Variants in GPC3 observed in about 807,000 individuals in gnomAD.
GPC3 encodes glypican-3.
Under a neutral mutation model 34.4 loss-of-function variants are expected in GPC3, and 3 were observed. That is an observed-to-expected ratio of 0.09 (90% confidence interval 0.04 to 0.23). The LOEUF (loss-of-function observed/expected upper bound fraction) is 0.23. Among genes scored for constraint, GPC3 ranks in the 10% least tolerant of loss-of-function variants. GPC3 has a pLI of 1.00. For synonymous variants in GPC3, 177 were observed against 174.0 expected (o/e 1.02, Z -0.13); for missense variants, 351 against 445.6 (o/e 0.79, Z 1.91).
intron 6 of GPC3, among the ~76,000 whole-genome samples, chrX:133,598,880 C>T (rs2069950295): frequency 8.9e-6 from 1 of 111,807 alleles, no homozygotes; most frequent in Non-Finnish European, 1.9e-5. Context: ...TATAAAAAAT[C>T]ACATTTGTTA....
intron 6 of GPC3, among the ~76,000 whole-genome samples, chrX:133,649,253 C>T (rs760113513): frequency 1.6e-4 from 16 of 102,260 alleles, no homozygotes; most frequent in Middle Eastern, 5.0e-3. Context: ...TAATAAATGA[C>T]GAGGATATAT....
chrX:133,614,275 C>T (rs1196231125), intron 6 of GPC3, among the ~76,000 whole-genome samples: 1 of 103,756 alleles, frequency 9.6e-6, no homozygotes, highest in African/African-American at 3.5e-5. Flanking sequence ...CAAACATCAA[C>T]TAGGATAAAC....
At chrX:133,586,221 A>C (rs185472915) in intron 7 of GPC3, among the ~76,000 whole-genome samples, 99 of 111,777 alleles carry the variant, frequency 8.9e-4, no homozygotes, top group Non-Finnish European at 1.2e-3. Flanking sequence ...TCCCTAGCCA[A>C]CATTAAAGCA....
chrX:133,860,259 A>G, intron 2 of GPC3, among the ~76,000 whole-genome samples: 1 of 111,898 alleles, frequency 8.9e-6, no homozygotes, highest in East Asian at 2.8e-4. Flanking sequence ...AACCCTGTTA[A>G]GTGCCATTAT....
At chrX:133,620,478 G>T (rs1302360842) in intron 6 of GPC3, among the ~76,000 whole-genome samples, 1 of 110,615 alleles carries the variant, frequency 9.0e-6, no homozygotes, top group Admixed American at 9.7e-5. Context: ...GATATACAAG[G>T]AGAAGAGCCA....
rs149402297 is a variant in GPC3, at chrX:133,847,947, T to C, written c.338-93771A>G. ...GCTATTTGCAGGGATGTGTGTCTGA[T>C]TGTTGTTTCTGAAAACAGAAGCAGA... On this transcript the variant is annotated intron_variant, in intron 2 of 7. Coordinates refer to ENST00000370818, the MANE Select transcript of GPC3 (RefSeq NM_004484.4). Among the ~76,000 whole-genome samples the C allele has an allele frequency of 5.7e-3, 642 of 112,278 alleles. 7 individuals are homozygous for C. The highest frequency in any genetic ancestry group is 0.02 in the African/African-American group (619 of 30,905).
At chrX:133,561,033 C>T (rs961412205) in intron 7 of GPC3, among the ~76,000 whole-genome samples, 9 of 111,443 alleles carry the variant, frequency 8.1e-5, no homozygotes, top group African/African-American at 2.9e-4. Context: ...AGACATATAC[C>T]TCTTTTCAAA....
At position 133,661,634 on chromosome X, in the gene GPC3, CCCCCCCCCCTCTCTCT is replaced by C. The variant is rs1438843379; in HGVS notation, c.1413+80_1413+95del. On this transcript the variant is annotated intron_variant, in intron 6 of 7. Transcript: ENST00000370818. ...TCTCTCTCTCTCTCTCTCTCTCTCT[CCCCCCCCCCTCTCTCT>C]CCCCCTCTCTCTCTCCCCCTCCTCC... 2.1e-3 allele frequency: 23 copies of C among 11,028 alleles called. No individual in the cohort carries two copies. The African/African-American group carries it at 0.021, about 10-fold the overall frequency. The allele number at this position is 11,028 out of a possible 1,213,427, so 0.9% of individuals were successfully genotyped here.
At chrX:133,613,603 A>C (rs2070132389) in intron 6 of GPC3, among the ~76,000 whole-genome samples, 1 of 112,433 alleles carries the variant, frequency 8.9e-6, no homozygotes, top group Non-Finnish European at 1.9e-5. Flanking sequence ...AAACTATAAA[A>C]TGTAAGAGAG....
chrX:133,799,467 T>A (rs1337384883), intron 2 of GPC3, among the ~76,000 whole-genome samples: 2 of 111,022 alleles, frequency 1.8e-5, no homozygotes, highest in African/African-American at 6.6e-5. Context: ...CCATCTTAAT[T>A]ACTGGGAAAG....
chrX:133,604,690 G>T (rs2070027224), intron 6 of GPC3, among the ~76,000 whole-genome samples: 1 of 111,700 alleles, frequency 9.0e-6, no homozygotes, highest in Non-Finnish European at 1.9e-5. Flanking sequence ...CATATTTTAA[G>T]GATTTAGCTG....
intron 2 of GPC3, among the ~76,000 whole-genome samples, chrX:133,820,455 A>G (rs1217462468): frequency 8.9e-6 from 1 of 111,899 alleles, no homozygotes; most frequent in Non-Finnish European, 1.9e-5. Flanking sequence ...TTTGTTTTCA[A>G]GAAAATGTCA....
intron 2 of GPC3, among the ~76,000 whole-genome samples, chrX:133,906,816 C>T (rs748870399): frequency 6.1e-3 from 687 of 112,276 alleles, no homozygotes; most frequent in Middle Eastern, 0.032. Context: ...CGGTGGCTCA[C>T]GCCTGTAATC....
At chrX:133,543,418 C>T (rs2069358555) in intron 7 of GPC3, among the ~76,000 whole-genome samples, 1 of 112,066 alleles carries the variant, frequency 8.9e-6, no homozygotes, top group Non-Finnish European at 1.9e-5. Context: ...CACACCTGGC[C>T]CACAATCTGC....
intron 7 of GPC3, among the ~76,000 whole-genome samples, chrX:133,563,669 C>T (rs1468254011): frequency 8.9e-6 from 1 of 111,873 alleles, no homozygotes; most frequent in Non-Finnish European, 1.9e-5. Context: ...GAAAAACAAG[C>T]CAGCACATGG....
intron 3 of GPC3, 29 bp from the exon 4 acceptor site, chrX:133,700,057 T>C: frequency 8.9e-7 from 1 of 1,129,829 alleles, no homozygotes; most frequent in Non-Finnish European, 1.2e-6. Context: ...TATAATTATA[T>C]GATACTTGTG....
intron 3 of GPC3, among the ~76,000 whole-genome samples, chrX:133,750,607 A>C (rs1026015329): frequency 8.9e-6 from 1 of 112,416 alleles, no homozygotes; most frequent in East Asian, 2.8e-4. Context: ...GACCTTTTCA[A>C]GACTTAAGAA....
chrX:133,816,259 C>T (rs919234380), intron 2 of GPC3, among the ~76,000 whole-genome samples: 1 of 111,263 alleles, frequency 9.0e-6, no homozygotes, highest in African/African-American at 3.3e-5. Context: ...CTCACTTTGT[C>T]ACCCAGGCTG....
rs1223479040 is a variant in GPC3 at position 133,540,951 on chromosome X, T to TGC, written c.1574-4659_1574-4658insGC. On this transcript the variant is annotated intron_variant, in intron 7 of 7. Coordinates refer to ENST00000370818, the MANE Select transcript of GPC3 (RefSeq NM_004484.4). ...GTGTGTGTGTGTGTGTGTGTGTGTG[T>TGC]GTGTGCGCGCACTGTGGGGGAAGAG... Among the ~76,000 whole-genome samples, 266 of 105,489 alleles carry TGC rather than the reference T, an allele frequency of 2.5e-3. 1 individual carries two copies. The highest frequency in any genetic ancestry group is 9.0e-3 in the African/African-American group (250 of 27,626). 91.6% of individuals were successfully genotyped at this position (105,489 alleles called of 115,157 possible).
Sources: gnomAD v4.1 joint callset for allele counts (sites outside exome capture counted in the v4.1 genomes callset) on GRCh38, gnomAD v4.1.1 for gene constraint, MANE v1.5 for transcripts, NCBI Gene and HGNC (gene_info 2026-07-23, HGNC 2026-07-21) for gene names.